Variants in SMIM10L3 observed in about 807,000 individuals in gnomAD.
SMIM10L3 encodes the protein small integral membrane protein 10 like 3.
the SMIM10L3 span, chr7:6,330,231 C>T: frequency 1.4e-5 from 11 of 809,246 alleles, no homozygotes; most frequent in Non-Finnish European, 2.1e-5. Flanking sequence ...TGAATTTAAA[C>T]TCAATTTACT....
chr7:6,331,163 T>C, the SMIM10L3 span: 1 of 1,606,618 alleles, frequency 6.2e-7, no homozygotes, highest in East Asian at 2.2e-5. Flanking sequence ...ATGCTTCGTG[T>C]TCTTGGATGC....
the SMIM10L3 span, chr7:6,348,703 C>A: frequency 2.3e-6 from 1 of 431,650 alleles, no homozygotes; most frequent in Non-Finnish European, 4.1e-6. Context: ...CCCATAGGAG[C>A]GGGCGGCGGC....
At chr7:6,336,052 G>A in the SMIM10L3 span, among the ~76,000 whole-genome samples, 1 of 151,360 alleles carries the variant, frequency 6.6e-6, no homozygotes, top group Admixed American at 6.6e-5. Flanking sequence ...GCACACCTGT[G>A]GTCTCAGCTA....
the SMIM10L3 span, among the ~76,000 whole-genome samples, chr7:6,340,792 G>C: frequency 1.3e-5 from 2 of 151,004 alleles, no homozygotes; most frequent in Non-Finnish European, 2.9e-5. Context: ...CCAGCTACTC[G>C]GGAGGCTGAG....
chr7:6,341,086 G>C, the SMIM10L3 span, among the ~76,000 whole-genome samples: 1 of 150,498 alleles, frequency 6.6e-6, no homozygotes, highest in Non-Finnish European at 1.5e-5. Flanking sequence ...GCAGCTTGCA[G>C]TGAGCTGAGA....
chr7:6,344,898 T>C, the SMIM10L3 span, among the ~76,000 whole-genome samples: 1 of 151,012 alleles, frequency 6.6e-6, no homozygotes, highest in African/African-American at 2.4e-5. Context: ...CATGCCGCCA[T>C]GCCCGGCTAA....
chr7:6,346,777 T>C, the SMIM10L3 span, among the ~76,000 whole-genome samples: 4 of 152,176 alleles, frequency 2.6e-5, no homozygotes, highest in South Asian at 6.2e-4. Flanking sequence ...GACCTGCTAC[T>C]GGGACAATCA....
At chr7:6,344,508 G>A in the SMIM10L3 span, among the ~76,000 whole-genome samples, 7 of 151,848 alleles carry the variant, frequency 4.6e-5, no homozygotes, top group East Asian at 3.9e-4. Context: ...CTGCCTCCTC[G>A]ACCTTCTGGC....
chr7:6,339,383 G>A, the SMIM10L3 span, among the ~76,000 whole-genome samples: 2 of 152,066 alleles, frequency 1.3e-5, no homozygotes, highest in Non-Finnish European at 2.9e-5. Context: ...TGGGAGGATC[G>A]TTTGAGCCTA....
the SMIM10L3 span, among the ~76,000 whole-genome samples, chr7:6,335,656 G>A: frequency 2.6e-5 from 4 of 152,038 alleles, no homozygotes; most frequent in African/African-American, 9.7e-5. Flanking sequence ...TACACTTTAT[G>A]AATACTTATA....
At chr7:6,345,539 G>A in the SMIM10L3 span, among the ~76,000 whole-genome samples, 5 of 152,080 alleles carry the variant, frequency 3.3e-5, no homozygotes, top group Middle Eastern at 6.3e-3. Flanking sequence ...TAGAGAAGCA[G>A]ATATATGAAA....
chr7:6,345,424 A>G, the SMIM10L3 span, among the ~76,000 whole-genome samples: 1 of 151,940 alleles, frequency 6.6e-6, no homozygotes, highest in Admixed American at 6.6e-5. Context: ...CCTCGATCTG[A>G]TTTGTTTTTT....
chr7:6,333,134 C>T, the SMIM10L3 span, among the ~76,000 whole-genome samples: 17 of 147,118 alleles, frequency 1.2e-4, no homozygotes, highest in East Asian at 2.2e-3. Flanking sequence ...TCCAGCCTGG[C>T]GACAGAGCAA....
the SMIM10L3 span, chr7:6,348,788 G>A: frequency 7.6e-6 from 3 of 396,910 alleles, no homozygotes; most frequent in South Asian, 1.3e-4. Context: ...CAGCCCCCCC[G>A]CCCGCCCTCT....
the SMIM10L3 span, chr7:6,348,898 G>C: frequency 8.3e-5 from 32 of 387,478 alleles, no homozygotes; most frequent in East Asian, 8.5e-4. Flanking sequence ...CAGTGGAGCG[G>C]AGTCCGCACG....
the SMIM10L3 span, among the ~76,000 whole-genome samples, chr7:6,340,199 G>A: frequency 4.6e-5 from 7 of 152,110 alleles, no homozygotes; most frequent in Non-Finnish European, 8.8e-5. Flanking sequence ...CCAGGATTCT[G>A]TGAAGATTCG....
chr7:6,339,692 C>T, the SMIM10L3 span, among the ~76,000 whole-genome samples: 1 of 151,984 alleles, frequency 6.6e-6, no homozygotes, highest in Admixed American at 6.6e-5. Context: ...ACCATGGTCT[C>T]GATCTCCTGA....
the SMIM10L3 span, among the ~76,000 whole-genome samples, chr7:6,336,672 A>C: frequency 1.4e-3 from 202 of 146,722 alleles, no homozygotes; most frequent in Non-Finnish European, 2.2e-3. Context: ...AGAGCGAGCA[A>C]GACTTTGTCC....
chr7:6,344,007 T>C, the SMIM10L3 span, among the ~76,000 whole-genome samples: 1 of 152,120 alleles, frequency 6.6e-6, no homozygotes, highest in Non-Finnish European at 1.5e-5. Flanking sequence ...CACCTCAGCC[T>C]CCCAAGTAGC....
Sources: allele counts gnomAD v4.1 joint callset (sites outside exome capture counted in the v4.1 genomes callset), GRCh38; gene constraint gnomAD v4.1.1; transcripts MANE v1.5; gene names NCBI Gene and HGNC (gene_info 2026-07-23, HGNC 2026-07-21).